The following SORBS2 variants were observed in gnomAD, a reference collection of about 807,000 sequenced individuals.
The protein encoded by SORBS2 is sorbin and SH3 domain-containing protein 2.
A neutral mutation model predicts 97.7 loss-of-function variants in SORBS2; 46 were observed. The ratio of observed to expected loss-of-function variants is 0.47; its 90% CI spans 0.37 to 0.60. SORBS2 has a LOEUF of 0.60. SORBS2 is among the 20% of genes least tolerant of loss of function. The pLI is 0.00. For missense variants in SORBS2, 1,316 were observed against 1,282.3 expected, an observed-to-expected ratio of 1.03 and a Z score of -0.40; for synonymous variants, 476 against 473.4, an observed-to-expected ratio of 1.01 and a Z score of -0.07.
At chr4:185,587,963 C>T (rs1024070084) in intron 14 of SORBS2, 1 of 359,662 alleles carries the variant, frequency 2.8e-6, no homozygotes, top group Non-Finnish European at 5.1e-6. Context: ...AAGGGAAAGT[C>T]AGCCCTGCTG....
intron 1 of SORBS2, among the ~76,000 whole-genome samples, chr4:185,827,726 T>C (rs2099202170): frequency 7.2e-6 from 1 of 139,004 alleles, no homozygotes. Flanking sequence ...ATCACCATCA[T>C]CACCATCATC....
intron 2 of SORBS2, among the ~76,000 whole-genome samples, chr4:185,708,197 T>C (rs538077063): frequency 6.6e-6 from 1 of 152,320 alleles, no homozygotes; most frequent in East Asian, 1.9e-4. Context: ...AAAATTCTCC[T>C]TAGTCAGAAA....
At chr4:185,778,768 T>G (rs1417773699) in intron 1 of SORBS2, among the ~76,000 whole-genome samples, 2 of 152,160 alleles carry the variant, frequency 1.3e-5, no homozygotes, top group African/African-American at 4.8e-5. Flanking sequence ...CATTAAGGCA[T>G]AGTTGACACA....
intron 12 of SORBS2, among the ~76,000 whole-genome samples, chr4:185,599,396 G>A (rs2096199791): frequency 6.6e-6 from 1 of 152,224 alleles, no homozygotes; most frequent in Non-Finnish European, 1.5e-5. Context: ...GAACGAAGTA[G>A]CTAAGGGAAA....
chr4:185,764,747 T>C (rs2098924285), intron 2 of SORBS2, among the ~76,000 whole-genome samples: 3 of 152,282 alleles, frequency 2.0e-5, no homozygotes, highest in South Asian at 2.1e-4. Flanking sequence ...CAGGTCTTTA[T>C]TGAGTCGTTC....
At chr4:185,630,479 G>C in intron 5 of SORBS2, 70 bp downstream of exon 17, 1 of 955,122 alleles carries the variant, frequency 1.0e-6, no homozygotes, top group African/African-American at 1.7e-5. Flanking sequence ...CTACTTCACT[G>C]AATAATTTTA....
At chr4:185,757,062 T>C (rs1402628549) in intron 2 of SORBS2, 1 of 728,784 alleles carries the variant, frequency 1.4e-6, no homozygotes, top group Non-Finnish European at 2.5e-6. Context: ...AGGCTTCCAT[T>C]TTTGTTCACT....
chr4:185,586,600 T>A (rs2095803467), exon 15 of SORBS2: 1 of 152,658 alleles, frequency 6.6e-6, no homozygotes, highest in Non-Finnish European at 1.5e-5. Context: ...TTCTATTACA[T>A]TTCCATAAAA....
intron 1 of SORBS2, among the ~76,000 whole-genome samples, chr4:185,792,278 G>A (rs1018041833): frequency 3.9e-5 from 6 of 152,182 alleles, no homozygotes; most frequent in Admixed American, 3.9e-4. Flanking sequence ...AGGATCACCT[G>A]AGGTCAAGAG....
intron 12 of SORBS2, 65 bp downstream of exon 24, chr4:185,611,715 T>C: frequency 1.6e-6 from 2 of 1,273,906 alleles, no homozygotes; most frequent in Admixed American, 1.7e-5. Flanking sequence ...TATCCTAAAG[T>C]CACACACCGA....
intron 2 of SORBS2, among the ~76,000 whole-genome samples, chr4:185,767,899 G>A (rs2098946049): frequency 6.6e-6 from 1 of 152,090 alleles, no homozygotes; most frequent in Non-Finnish European, 1.5e-5. Flanking sequence ...ACCTTCCCAG[G>A]GGCTTTGCAT....
upstream of SORBS2, among the ~76,000 whole-genome samples, chr4:185,658,723 G>A (rs1316516561): frequency 8.0e-6 from 1 of 125,414 alleles, no homozygotes; most frequent in East Asian, 2.4e-4. Flanking sequence ...ATGGAGTCTC[G>A]CTCTGTCACC....
upstream of SORBS2, among the ~76,000 whole-genome samples, chr4:185,660,671 T>A (rs2097501732): frequency 6.6e-6 from 1 of 152,188 alleles, no homozygotes; most frequent in South Asian, 2.1e-4. Flanking sequence ...TCATAGCCTC[T>A]CAATACTGAA....
chr4:185,691,595 TTCTC>T (rs1306226493), intron 2 of SORBS2, among the ~76,000 whole-genome samples: 1 of 152,140 alleles, frequency 6.6e-6, no homozygotes, highest in Non-Finnish European at 1.5e-5. Flanking sequence ...AGATTCATCT[TTCTC>T]TTTTTTAAAG....
intron 4 of SORBS2, 133 bp downstream of exon 14, chr4:185,638,744 A>G: frequency 1.3e-6 from 1 of 774,274 alleles, no homozygotes; most frequent in African/African-American, 1.9e-5. Flanking sequence ...GGGCCTGTGG[A>G]TGAGAAGATT....
At chr4:185,638,731 C>A in intron 4 of SORBS2, 146 bp downstream of exon 14, 1 of 681,388 alleles carries the variant, frequency 1.5e-6, no homozygotes, top group Non-Finnish European at 2.2e-6. Context: ...GGGGGGCTCT[C>A]AGGGGCCTGT....
intron 4 of SORBS2, chr4:185,665,972 G>A (rs1218255024): frequency 2.4e-6 from 3 of 1,266,834 alleles, no homozygotes; most frequent in Admixed American, 2.4e-5. Context: ...GGGAGCAGGT[G>A]TTTGTATAAG....
chr4:185,779,951 A>T (rs942706723), intron 1 of SORBS2, among the ~76,000 whole-genome samples: 1 of 151,740 alleles, frequency 6.6e-6, no homozygotes, highest in Non-Finnish European at 1.5e-5. Context: ...TGAACAGGGA[A>T]GTGCTGAAGT....
rs774908326 is a variant in SORBS2 at position 185,623,909 on chromosome 4, C to T, written c.1220G>A (p.Arg407Gln). 5 of 1,614,142 alleles carry T rather than the reference C, an allele frequency of 3.1e-6. No individual in the cohort carries two copies. Among genetic ancestry groups the T allele is most frequent in the Non-Finnish European group, 4.2e-6 (5 of 1,180,034 alleles). Residue 407 changes from arginine (R) to glutamine (Q), a missense_variant, in exon 7 of 15, where the codon CGG (arginine) becomes CAG (glutamine). Arg to Gln is a conservative substitution (Grantham distance 43, BLOSUM62 1). Transcript: ENST00000418609. The surrounding 1 kb of genome is among the most constrained non-coding windows in gnomAD (Gnocchi z 6.4). The stretch of plus-strand genomic sequence containing the variant: ...GGAGATGCGTGTGGGCACCATGTCC[C>T]GGGGCACCTCCTCCGTGGAGCACTG...
Sources: gnomAD v4.1 joint callset for allele counts (sites outside exome capture counted in the v4.1 genomes callset) on GRCh38, gnomAD v4.1.1 for gene constraint, Gnocchi (gnomAD v3.1) non-coding constraint, MANE v1.5 for transcripts, NCBI Gene and HGNC (gene_info 2026-07-23, HGNC 2026-07-21) for gene names.